MEI1: variants seen among roughly 807,000 people sequenced by gnomAD.
The protein encoded by MEI1 is meiosis inhibitor protein 1.
A neutral mutation model predicts 146.2 loss-of-function variants in MEI1; 103 were observed. The ratio of observed to expected loss-of-function variants is 0.70; its 90% CI spans 0.60 to 0.83. The LOEUF is 0.83. MEI1 is among the 40% of genes least tolerant of loss of function. The pLI is 0.00. For synonymous variants in MEI1, 652 were observed against 628.2 expected (o/e 1.04, Z -0.57); for missense variants, 1,529 against 1,533.0 (o/e 1.00, Z 0.04).
At chr22:41,743,829 T>C (rs1212695764) in intron 12 of MEI1, among the ~76,000 whole-genome samples, 1 of 152,106 alleles carries the variant, frequency 6.6e-6, no homozygotes, top group Non-Finnish European at 1.5e-5. Flanking sequence ...CAATAGTCAT[T>C]CCTGTGGTTC....
chr22:41,754,465 G>A (rs539426244), intron 17 of MEI1, among the ~76,000 whole-genome samples: 4 of 151,324 alleles, frequency 2.6e-5, no homozygotes, highest in East Asian at 1.9e-4. Flanking sequence ...AGACAGTCTC[G>A]CTCTGTTGCC....
In MEI1 at chr22:41,776,146, G is replaced by C; in HGVS notation, c.2589G>C (p.Leu863=). The C allele has an allele frequency of 6.2e-7, 1 of 1,613,962 alleles. No homozygotes were observed. The highest frequency in any genetic ancestry group is 1.1e-5 in the South Asian group (1 of 91,074). Reference sequence around the variant, plus strand: ...CAGTGGACACAGCTCACAAGGTACTGATTAGCCTGAGGACCTTCCTGAGGA... The same window carrying C: ...CAGTGGACACAGCTCACAAGGTACTCATTAGCCTGAGGACCTTCCTGAGGA... The part of the protein sequence containing the change: ...SSPVDTAHKV[L]ISLRTFLRRN... The change falls in exon 21 of 31, where the codon CTG becomes CTC. Residue 863 remains leucine, a synonymous_variant. Coordinates refer to ENST00000401548, the MANE Select transcript of MEI1 (RefSeq NM_152513.4).
intron 22 of MEI1, 189 bp downstream of exon 22, chr22:41,779,001 A>G (rs2075615268): frequency 1.9e-6 from 1 of 540,004 alleles, no homozygotes; most frequent in Admixed American, 3.2e-5. Context: ...TTCTCTGGGA[A>G]TGTTTGGGAG....
Position 41,799,264 on chromosome 22 carries a change from G to A in MEI1, c.3790G>A (p.Gly1264Arg). ...PPLQDMLCLG[G>R]VAVSLSHIRN ...ATGTTTTGCTGCCAGCTGCCTGGGA[G>A]GGGTGGCTGTATCCCTGTCCCACAT... Residue 1264 changes from glycine to arginine, a missense_variant, in exon 31 of 31, where the codon GGG becomes AGG. Transcript: ENST00000401548. 1 of 1,613,328 alleles carries A rather than the reference G, an allele frequency of 6.2e-7. No individual in the cohort carries two copies. The highest frequency in any genetic ancestry group is 8.5e-7 in the Non-Finnish European group (1 of 1,179,522).
In MEI1 at chr22:41,730,624, C is replaced by G; in HGVS notation, c.1083C>G (p.Cys361Trp). Residue 361 changes from cysteine to tryptophan, a missense_variant, in exon 9 of 31, where the codon TGC becomes TGG. This residue lies in a region of MEI1 where 1,212 missense variants were observed against 1,178.9 expected (regional missense o/e 1.03). Transcript: ENST00000401548. ...AAGAGCCACTCTTTTTTTCCAAGTG[C>G]CACACGGTGTATGGTTGGTAGTAAG... is the stretch of plus-strand genomic sequence containing the variant. ...LVEEPLFFSK[C>W]HTVYGIEAVV... 6.2e-7 allele frequency: 1 copy of G among 1,612,098 alleles called. No individual in the cohort carries two copies. The highest frequency in any genetic ancestry group is 8.5e-7 in the Non-Finnish European group (1 of 1,178,296).
At position 41,763,329 on chromosome 22, in the gene MEI1, C is replaced by A; in HGVS notation, c.2268+8C>A. 1.2e-6 allele frequency: 2 copies of A among 1,613,106 alleles called. No individual in the cohort carries two copies. The highest frequency in any genetic ancestry group is 1.7e-6 in the Non-Finnish European group (2 of 1,179,412). On this transcript the variant is annotated splice_region_variant and intron_variant, in intron 19 of 30. Coordinates refer to ENST00000401548, the MANE Select transcript of MEI1 (RefSeq NM_152513.4). ...GACAATACACTACGTGAGGTATGGA[C>A]CACAATGCCTGGGCTCCTTGTCCTT...
rs1171303477 is a variant in MEI1 at position 41,703,555 on chromosome 22, T to C, written c.298+101T>C. The C allele has an allele frequency of 7.3e-6, 8 of 1,089,106 alleles. No individual in the cohort carries two copies. The East Asian group carries it at 2.1e-4, about 28-fold the overall frequency. The allele number at this position is 1,089,106 out of a possible 1,614,324, so 67.5% of individuals were successfully genotyped here. A position where few individuals can be genotyped will look rare whatever the true frequency, so the allele number is the denominator to read the frequency against. On this transcript the variant is annotated intron_variant, in intron 2 of 30. Coordinates refer to ENST00000401548, the MANE Select transcript of MEI1 (RefSeq NM_152513.4). Reference sequence around the variant, plus strand: ...ATGATCTTAGATGATTTAGGTTTTTTGTATTGTAATACTTTATCAGCAAAT... The same window carrying C: ...ATGATCTTAGATGATTTAGGTTTTTCGTATTGTAATACTTTATCAGCAAAT...
At chr22:41,764,193 C>G (rs573691231) in intron 19 of MEI1, among the ~76,000 whole-genome samples, 223 of 152,272 alleles carry the variant, frequency 1.5e-3, no homozygotes, top group Non-Finnish European at 2.5e-3. Context: ...ATCTCCTGAC[C>G]TCGTGATCTG....
chr22:41,772,773 C>T (rs1384021371), intron 20 of MEI1, among the ~76,000 whole-genome samples: 1 of 152,162 alleles, frequency 6.6e-6, no homozygotes, highest in African/African-American at 2.4e-5. Flanking sequence ...GTTTATTCTT[C>T]CTGGGTTATC....
chr22:41,758,474 T>C lies in MEI1; in HGVS notation c.2061T>C (p.Ala687=). ...LSDRQYMEGA[A]RQRQYCILLL... is the part of the protein sequence containing the mutation. ...ATCGCCAGTACATGGAGGGAGCTGC[T>C]CGCCAGAGACAGTACTGCATCCTGC... The change falls in exon 18 of 31, where the codon GCT becomes GCC. Residue 687 remains alanine (A), a synonymous_variant. Coordinates refer to ENST00000401548, the MANE Select transcript of MEI1 (RefSeq NM_152513.4). The C allele has an allele frequency of 6.2e-7, 1 of 1,613,890 alleles. No individual in the cohort carries two copies.
intron 20 of MEI1, among the ~76,000 whole-genome samples, chr22:41,775,385 G>T (rs926326881): frequency 3.9e-5 from 6 of 151,974 alleles, no homozygotes; most frequent in Admixed American, 6.6e-5. Context: ...GCACACTCAG[G>T]TTCCCTGTCT....
chr22:41,762,446 C>T (rs1419095321), intron 18 of MEI1, among the ~76,000 whole-genome samples: 2 of 152,030 alleles, frequency 1.3e-5, no homozygotes, highest in Admixed American at 1.3e-4. Flanking sequence ...ACAATCATGG[C>T]TCGCTGCAGC....
intron 11 of MEI1, among the ~76,000 whole-genome samples, chr22:41,736,575 G>A (rs2072391241): frequency 6.6e-6 from 1 of 151,582 alleles, no homozygotes; most frequent in African/African-American, 2.4e-5. Context: ...TTTATTTTTT[G>A]TAGAGATAGG....
At position 41,795,549 on chromosome 22, in the gene MEI1, G is replaced by A. The variant is rs1441314871; in HGVS notation, c.3666+7G>A. Reference sequence around the variant, plus strand: ...GCATGGCTTCTTCCAGCAGGTGGGTGGGAAGGGGAGGCCATGCAGCCACTG... The same window carrying A: ...GCATGGCTTCTTCCAGCAGGTGGGTAGGAAGGGGAGGCCATGCAGCCACTG... On this transcript the variant is annotated splice_region_variant and intron_variant, in intron 29 of 30. Coordinates refer to ENST00000401548, the MANE Select transcript of MEI1 (RefSeq NM_152513.4). The surrounding 1 kb of genome is among the most constrained non-coding windows in gnomAD (Gnocchi z 4.2). The A allele has an allele frequency of 1.2e-6, 2 of 1,613,780 alleles. No homozygotes were observed.
intron 20 of MEI1, among the ~76,000 whole-genome samples, chr22:41,773,141 C>T (rs1379995493): frequency 6.6e-6 from 1 of 152,168 alleles, no homozygotes; most frequent in Non-Finnish European, 1.5e-5. Flanking sequence ...GTGACCCAGT[C>T]CTTGTCCTTG....
In MEI1 at chr22:41,703,502, T is replaced by C. The variant is rs1051552933; in HGVS notation, c.298+48T>C. ...ACATGAGTTTTGAATGTATAGTATG[T>C]ATATCTGCTTTTGGGGCTCTTGGAA... On this transcript the variant is annotated intron_variant, in intron 2 of 30. Coordinates refer to ENST00000401548, the MANE Select transcript of MEI1 (RefSeq NM_152513.4). 10 of 1,452,110 alleles carry C rather than the reference T, an allele frequency of 6.9e-6. No homozygotes were observed. The African/African-American group carries it at 1.2e-4, about 17-fold the overall frequency. The allele number at this position is 1,452,110 out of a possible 1,614,324, so 90.0% of individuals were successfully genotyped here.
chr22:41,749,191 ATGT>A (rs1437939555), intron 15 of MEI1, among the ~76,000 whole-genome samples: 5 of 151,992 alleles, frequency 3.3e-5, no homozygotes, highest in Non-Finnish European at 5.9e-5. Flanking sequence ...CATGCAACAA[ATGT>A]TGTGCAACAA....
In MEI1 at chr22:41,730,570, C is replaced by T. The variant is rs944294815; in HGVS notation, c.1029C>T (p.Ser343=). 82 of 1,613,754 alleles carry T rather than the reference C, an allele frequency of 5.1e-5. No individual in the cohort carries two copies. Among genetic ancestry groups the T allele is most frequent in the Non-Finnish European group, 7.0e-5 (82 of 1,179,836 alleles). Residue 343 remains serine (S), a synonymous_variant, in exon 9 of 31, where the codon TCC becomes TCT. Transcript: ENST00000401548. ...CTTCCAGTGAAGTGCTCGTCTGGTC[C>T]AGCTGTAACTGCTTGACACTCCTGG... ...LSSSSEVLVW[S]SCNCLTLLVE...
chr22:41,704,974 A>G (rs1425562318), intron 2 of MEI1, among the ~76,000 whole-genome samples: 3 of 151,218 alleles, frequency 2.0e-5, no homozygotes, highest in Non-Finnish European at 3.0e-5. Context: ...TCAGCCTCCC[A>G]AAGTGCTGGA....
Sources: allele counts gnomAD v4.1 joint callset (sites outside exome capture counted in the v4.1 genomes callset), GRCh38; gene constraint gnomAD v4.1.1; regional missense constraint gnomAD v4.1.1; non-coding constraint Gnocchi (gnomAD v3.1); transcripts MANE v1.5; gene names NCBI Gene and HGNC (gene_info 2026-07-23, HGNC 2026-07-21).